CAMK2D: variants seen among roughly 807,000 people sequenced by gnomAD.
The protein encoded by CAMK2D is calcium/calmodulin-dependent protein kinase type II subunit delta.
A neutral mutation model predicts 84.0 loss-of-function variants in CAMK2D; 37 were observed. The observed-to-expected ratio is 0.44, with a 90% CI of 0.34 to 0.58. The LOEUF (loss-of-function observed/expected upper bound fraction) is 0.58, where lower values mean the gene tolerates loss of function less well. Among genes scored for constraint, CAMK2D ranks in the 20% least tolerant of loss-of-function variants. The probability of loss-of-function intolerance (pLI) is 0.02; values close to 1 mark genes in which losing one functional copy is unlikely to be tolerated. For synonymous variants in CAMK2D, 202 were observed against 212.5 expected (o/e 0.95, Z 0.43); for missense variants, 448 against 652.5 (o/e 0.69, Z 3.41).
intron 10 of CAMK2D, 128 bp downstream of exon 10, chr4:113,514,941 G>C (rs991355061): frequency 6.8e-6 from 6 of 883,088 alleles, no homozygotes; most frequent in Non-Finnish European, 1.1e-5. Context: ...TAAACACCTC[G>C]AGTCAAAAAT....
At chr4:113,638,576 C>T (rs1408262885) in intron 3 of CAMK2D, among the ~76,000 whole-genome samples, 1 of 152,100 alleles carries the variant, frequency 6.6e-6, no homozygotes, top group Non-Finnish European at 1.5e-5. Context: ...AGTTGGACCA[C>T]TTTATAACCT....
At chr4:113,649,254 T>C (rs2099163440) in intron 3 of CAMK2D, among the ~76,000 whole-genome samples, 1 of 152,218 alleles carries the variant, frequency 6.6e-6, no homozygotes. Flanking sequence ...TTATGCTTAT[T>C]ACTACTAAAT....
At chr4:113,722,039 T>C (rs528151861) in intron 2 of CAMK2D, among the ~76,000 whole-genome samples, 3 of 152,318 alleles carry the variant, frequency 2.0e-5, no homozygotes, top group African/African-American at 4.8e-5. Flanking sequence ...CCCATGTATA[T>C]GTATGTTGCA....
chr4:113,688,258 T>C (rs2099365856), intron 2 of CAMK2D, among the ~76,000 whole-genome samples: 1 of 152,242 alleles, frequency 6.6e-6, no homozygotes, highest in Admixed American at 6.5e-5. Flanking sequence ...AGGAGGTCTG[T>C]GTGTTCCCAG....
At chr4:113,637,260 T>C (rs1376753549) in intron 3 of CAMK2D, among the ~76,000 whole-genome samples, 2 of 152,204 alleles carry the variant, frequency 1.3e-5, no homozygotes, top group Non-Finnish European at 2.9e-5. Flanking sequence ...TAAAAAAGAT[T>C]TGCTAAATGG....
chr4:113,748,211 G>C (rs949794630), intron 2 of CAMK2D, among the ~76,000 whole-genome samples: 6 of 152,026 alleles, frequency 3.9e-5, no homozygotes, highest in African/African-American at 1.2e-4. Flanking sequence ...CTTTACATCT[G>C]TTCACCTTGA....
At chr4:113,702,235 A>C (rs1432407320) in intron 2 of CAMK2D, among the ~76,000 whole-genome samples, 2 of 152,192 alleles carry the variant, frequency 1.3e-5, no homozygotes, top group South Asian at 4.1e-4. Flanking sequence ...CATGAGTTCT[A>C]CCCTCATAAC....
intron 2 of CAMK2D, among the ~76,000 whole-genome samples, chr4:113,672,053 A>T (rs183507745): frequency 2.6e-5 from 4 of 152,272 alleles, no homozygotes; most frequent in African/African-American, 9.6e-5. Flanking sequence ...TTATGAAAAA[A>T]AGTAGAAGAT....
intron 4 of CAMK2D, among the ~76,000 whole-genome samples, chr4:113,608,377 T>C (rs2098986526): frequency 6.6e-6 from 1 of 152,244 alleles, no homozygotes; most frequent in Non-Finnish European, 1.5e-5. Flanking sequence ...GAATATACTA[T>C]AATTATGTAG....
chr4:113,626,234 G>A (rs1324565448), intron 3 of CAMK2D, among the ~76,000 whole-genome samples: 1 of 152,156 alleles, frequency 6.6e-6, no homozygotes, highest in Admixed American at 6.6e-5. Flanking sequence ...AGGTTGAAAA[G>A]ATGGAAGTAA....
intron 2 of CAMK2D, among the ~76,000 whole-genome samples, chr4:113,727,935 G>A (rs1422960330): frequency 6.6e-6 from 1 of 152,078 alleles, no homozygotes; most frequent in Admixed American, 6.6e-5. Flanking sequence ...TTTGTCTTTA[G>A]GGAAATGCAA....
intron 5 of CAMK2D, among the ~76,000 whole-genome samples, chr4:113,550,874 G>A (rs1369128535): frequency 6.6e-6 from 1 of 152,178 alleles, no homozygotes; most frequent in African/African-American, 2.4e-5. Flanking sequence ...TTAGAGCGTA[G>A]TCATGTACAG....
intron 5 of CAMK2D, chr4:113,548,594 C>A (rs2098601107): frequency 1.3e-6 from 1 of 792,750 alleles, no homozygotes; most frequent in Non-Finnish European, 2.2e-6. Flanking sequence ...CCACCCTCTG[C>A]CCTTTCCCCA....
chr4:113,623,011 C>T (rs1026084692), intron 3 of CAMK2D, among the ~76,000 whole-genome samples: 3 of 152,062 alleles, frequency 2.0e-5, no homozygotes, highest in African/African-American at 4.8e-5. Flanking sequence ...CATAAGGATA[C>T]GTAACAGAGA....
Position 113,504,843 on chromosome 4 carries a change from A to C in CAMK2D, c.1044+133T>G, listed in dbSNP as rs566495293. ...ATATCATAGAAAGCAAAAAAAAAAA[A>C]AAACAAAACCCAACACCCAACGAAA... is the stretch of plus-strand genomic sequence containing the variant. On this transcript the variant is annotated intron_variant, in intron 14 of 20. Transcript: ENST00000511664. The C allele has an allele frequency of 2.4e-5, 9 of 369,528 alleles. No homozygotes were observed. In the East Asian group the frequency reaches 3.2e-4, roughly 13 times the overall value. 22.9% of individuals were successfully genotyped at this position (369,528 alleles called of 1,614,324 possible).
At chr4:113,670,115 CTACAAAAAA>C (rs1306206689) in intron 2 of CAMK2D, among the ~76,000 whole-genome samples, 4 of 152,132 alleles carry the variant, frequency 2.6e-5, no homozygotes, top group Admixed American at 1.3e-4. Context: ...ACCGTCTGTA[CTACAAAAAA>C]TACAAAAAAT....
intron 6 of CAMK2D, among the ~76,000 whole-genome samples, chr4:113,546,822 C>CTAGA (rs2098579096): frequency 6.6e-6 from 1 of 152,046 alleles, no homozygotes; most frequent in African/African-American, 2.4e-5. Context: ...ACAGGTAAAA[C>CTAGA]TAGAGTGCTG....
intron 1 of CAMK2D, 111 bp downstream of exon 1, chr4:113,760,893 C>G: frequency 7.3e-7 from 1 of 1,373,188 alleles, no homozygotes; most frequent in South Asian, 1.2e-5. Context: ...GCCCTCCTCC[C>G]ATTCCTCTCC....
chr4:113,690,001 A>G (rs975950729), intron 2 of CAMK2D, among the ~76,000 whole-genome samples: 1 of 152,204 alleles, frequency 6.6e-6, no homozygotes, highest in African/African-American at 2.4e-5. Context: ...AAGAATTAAC[A>G]TTAAGTTTGA....
Sources: allele counts gnomAD v4.1 joint callset (sites outside exome capture counted in the v4.1 genomes callset), GRCh38; gene constraint gnomAD v4.1.1; transcripts MANE v1.5; gene names NCBI Gene and HGNC (gene_info 2026-07-23, HGNC 2026-07-21).